Variants in ZNF516 observed in about 807,000 individuals in gnomAD.
The protein encoded by ZNF516 is zinc finger protein 516.
A neutral mutation model predicts 79.7 loss-of-function variants in ZNF516; 19 were observed. The ratio of observed to expected loss-of-function variants is 0.24; its 90% CI spans 0.17 to 0.35. The LOEUF (loss-of-function observed/expected upper bound fraction) is 0.35, where lower values mean the gene tolerates loss of function less well. Ranked by LOEUF, ZNF516 falls within the 10% of genes least tolerant of loss-of-function variation. The probability of loss-of-function intolerance (pLI) is 1.00; values close to 1 mark genes in which losing one functional copy is unlikely to be tolerated. For synonymous variants in ZNF516, 877 were observed against 739.5 expected (o/e 1.19, Z -3.02); for missense variants, 1,678 against 1,679.5 (o/e 1.00, Z 0.02).
At chr18:76,362,580 C>G in intron 6 of ZNF516, 23 bp from the exon 7 acceptor site, 1 of 1,600,484 alleles carries the variant, frequency 6.2e-7, no homozygotes, top group Non-Finnish European at 8.6e-7. Flanking sequence ...AAGGAAAGAA[C>G]AGGAGAAAAG....
rs1397416941 is a variant in ZNF516 at position 76,394,817 on chromosome 18, AAGGCGGGTGGTCAGGTGGGGGG to A, written c.1811-14536_1811-14515del. On this transcript the variant is annotated intron_variant, in intron 3 of 6. Transcript: ENST00000443185. ...GCAGGGCGGGTGGTCAGGTGGGGGGAAGGCGGGTGGTCAGGTGGGGGGAGGGCAGGTGGGAAGGCAGGTCAGA... is the reference window on the plus strand; with the variant it reads ...GCAGGGCGGGTGGTCAGGTGGGGGGAAGGGCAGGTGGGAAGGCAGGTCAGA... Among the ~76,000 whole-genome samples, 134 of 55,474 alleles carry A rather than the reference AAGGCGGGTGGTCAGGTGGGGGG, an allele frequency of 2.4e-3. 43 individuals carry two copies. Among genetic ancestry groups the A allele is most frequent in the African/African-American group, 8.4e-3 (115 of 13,738 alleles). 36.4% of individuals were successfully genotyped at this position (55,474 alleles called of 152,430 possible).
In ZNF516 at chr18:76,492,251, G is replaced by C. The variant is rs573530965; in HGVS notation, c.-272+2893C>G. ...TACACGGAGATGCTGCTCGGCTCAG[G>C]TCGGGTCCGTACGCTTCCCGAGGTG... On this transcript the variant is annotated intron_variant, in intron 1 of 6. Coordinates refer to ENST00000443185, the MANE Select transcript of ZNF516 (RefSeq NM_014643.4). 2.4e-5 allele frequency: 24 copies of C among 985,352 alleles called. No individual in the cohort carries two copies. In the African/African-American group the frequency reaches 4.0e-4, roughly 16 times the overall value. 61.0% of individuals were successfully genotyped at this position (985,352 alleles called of 1,614,324 possible).
chr18:76,479,920 C>T (rs1914402516), intron 1 of ZNF516, among the ~76,000 whole-genome samples: 1 of 152,188 alleles, frequency 6.6e-6, no homozygotes, highest in Non-Finnish European at 1.5e-5. Flanking sequence ...TGGGATCCCC[C>T]AGAGACAGTT....
intron 1 of ZNF516, among the ~76,000 whole-genome samples, chr18:76,489,344 C>T (rs1235442590): frequency 6.6e-6 from 1 of 152,138 alleles, no homozygotes; most frequent in Non-Finnish European, 1.5e-5. Context: ...TTGGAGTATA[C>T]CTCATTTCAA....
chr18:76,443,189 G>A lies in ZNF516; in HGVS notation c.-135C>T. ...AGGAGGTGCACCTTCTACATGGGGG[G>A]CGCAGCAGCTGGCAGCCAGCACCTG... On this transcript the variant is annotated 5_prime_UTR_variant, in exon 3 of 7. Transcript: ENST00000443185. 1.5e-6 allele frequency: 2 copies of A among 1,331,696 alleles called. No homozygotes were observed. The highest frequency in any genetic ancestry group is 1.5e-5 in the African/African-American group (1 of 67,164). The allele number at this position is 1,331,696 out of a possible 1,614,324, so 82.5% of individuals were successfully genotyped here.
At chr18:76,460,006 C>T (rs1482885813) in intron 2 of ZNF516, among the ~76,000 whole-genome samples, 1 of 152,202 alleles carries the variant, frequency 6.6e-6, no homozygotes, top group African/African-American at 2.4e-5. Context: ...CAACATACGC[C>T]AAGGAATGCT....
Position 76,467,999 on chromosome 18 carries a change from G to C in ZNF516, c.-271-4858C>G, listed in dbSNP as rs1476235569. Reference sequence around the variant, plus strand: ...CCAGACCTCCCTACGGACAGCACGCGACGGACGGCCTTGCGGGACTCCCTG... The same window carrying C: ...CCAGACCTCCCTACGGACAGCACGCCACGGACGGCCTTGCGGGACTCCCTG... On this transcript the variant is annotated intron_variant, in intron 1 of 6. Transcript: ENST00000443185. This position sits in a 1 kb window ranked among gnomAD's most constrained non-coding sequence, Gnocchi z 4.2. Among the ~76,000 whole-genome samples, 1 of 152,076 alleles carries C rather than the reference G, an allele frequency of 6.6e-6. No homozygotes were observed. Among genetic ancestry groups the C allele is most frequent in the Admixed American group, 6.6e-5 (1 of 15,258 alleles).
At chr18:76,417,617 G>T (rs1161109729) in intron 3 of ZNF516, among the ~76,000 whole-genome samples, 2 of 152,104 alleles carry the variant, frequency 1.3e-5, no homozygotes, top group African/African-American at 2.4e-5. Flanking sequence ...TGAAAGCCAA[G>T]AAGTAATAAA....
chr18:76,418,656 T>C (rs1425634427), intron 3 of ZNF516, among the ~76,000 whole-genome samples: 1 of 152,224 alleles, frequency 6.6e-6, no homozygotes, highest in Admixed American at 6.5e-5. Flanking sequence ...ATTGTGCTTC[T>C]GGGTTACCTC....
chr18:76,371,521 C>T lies in ZNF516; in HGVS notation c.3310G>A (p.Gly1104Arg). ...RPGEFVCIEC[G>R]KSFHQPGHLR... ...TGGCCGGGCTGGTGGAAGCTCTTTCCGCACTCGATGCAGACGAACTCTCCT... is the reference window on the plus strand; with the variant it reads ...TGGCCGGGCTGGTGGAAGCTCTTTCTGCACTCGATGCAGACGAACTCTCCT... Residue 1104 changes from glycine (G) to arginine (R), a missense_variant, in exon 5 of 7, where the codon GGA (glycine) becomes AGA (arginine). Gly to Arg is a moderately radical substitution (Grantham distance 125). This residue lies in a region of ZNF516 where 1,294 missense variants were observed against 1,248.3 expected (regional missense o/e 1.04). Coordinates refer to ENST00000443185, the MANE Select transcript of ZNF516 (RefSeq NM_014643.4). The T allele has an allele frequency of 6.2e-7, 1 of 1,610,808 alleles. No individual in the cohort carries two copies. The highest frequency in any genetic ancestry group is 8.5e-7 in the Non-Finnish European group (1 of 1,179,816).
chr18:76,406,816 G>A (rs565090839), intron 3 of ZNF516, among the ~76,000 whole-genome samples: 1 of 152,284 alleles, frequency 6.6e-6, no homozygotes, highest in South Asian at 2.1e-4. Flanking sequence ...TGACGGCCCA[G>A]GAGTGCAGAG....
At chr18:76,469,024 T>C (rs1412779835) in intron 1 of ZNF516, among the ~76,000 whole-genome samples, 4 of 152,338 alleles carry the variant, frequency 2.6e-5, no homozygotes, top group African/African-American at 9.6e-5. Context: ...TGTCTCCAAC[T>C]TCCCAGCCCG....
Position 76,464,225 on chromosome 18 carries a change from C to T in ZNF516, c.-271-1084G>A, listed in dbSNP as rs569287671. Among the ~76,000 whole-genome samples, 99 of 152,120 alleles carry T rather than the reference C, an allele frequency of 6.5e-4. 1 individual carries two copies. Among genetic ancestry groups the T allele is most frequent in the African/African-American group, 1.8e-3 (75 of 41,508 alleles). On this transcript the variant is annotated intron_variant, in intron 1 of 6. Transcript: ENST00000443185. Reference sequence around the variant, plus strand: ...TAATGTACTAAAGGTACATTAAAAACGTGGCACGTGGTGGCGTGTGCCTGT... The same window carrying T: ...TAATGTACTAAAGGTACATTAAAAATGTGGCACGTGGTGGCGTGTGCCTGT...
At chr18:76,369,366 A>C (rs1235345520) in intron 6 of ZNF516, among the ~76,000 whole-genome samples, 1 of 152,214 alleles carries the variant, frequency 6.6e-6, no homozygotes, top group Non-Finnish European at 1.5e-5. Context: ...TGTCAACAAT[A>C]CATGAAGCAA....
At chr18:76,470,162 G>A (rs182319292) in intron 1 of ZNF516, among the ~76,000 whole-genome samples, 84 of 152,244 alleles carry the variant, frequency 5.5e-4, no homozygotes, top group Non-Finnish European at 2.6e-4. Flanking sequence ...TCTCAGATTT[G>A]GAACCGCCCA....
At chr18:76,487,155 T>G (rs935811856) in intron 1 of ZNF516, among the ~76,000 whole-genome samples, 3 of 152,220 alleles carry the variant, frequency 2.0e-5, no homozygotes, top group Non-Finnish European at 4.4e-5. Flanking sequence ...TAAGGCATGT[T>G]GAGAGCCACA....
chr18:76,379,255 A>G lies in ZNF516; in HGVS notation c.2859T>C (p.Phe953=). The part of the protein sequence containing the change: ...PSANSKPVEK[F]GVPPAGAGFA... Reference sequence around the variant, plus strand: ...AGCCAGCCCCCGCTGGGGGGACCCCAAACTTCTCCACAGGCTTGCTATTGG... The same window carrying G: ...AGCCAGCCCCCGCTGGGGGGACCCCGAACTTCTCCACAGGCTTGCTATTGG... Residue 953 remains phenylalanine (F), a synonymous_variant, in exon 4 of 7, where the codon TTT becomes TTC. Transcript: ENST00000443185. 1 of 1,612,510 alleles carries G rather than the reference A, an allele frequency of 6.2e-7. No individual in the cohort carries two copies. The highest frequency in any genetic ancestry group is 8.5e-7 in the Non-Finnish European group (1 of 1,179,588).
At chr18:76,461,990 A>C (rs1026425422) in intron 2 of ZNF516, among the ~76,000 whole-genome samples, 18 of 152,224 alleles carry the variant, frequency 1.2e-4, no homozygotes, top group African/African-American at 4.3e-4. Flanking sequence ...GATCTTGCCC[A>C]AGCCCGGATA....
rs753423027 is a variant in ZNF516, at chr18:76,459,922, G to A, written c.-158+3106C>T. On this transcript the variant is annotated intron_variant, in intron 2 of 6. Coordinates refer to ENST00000443185, the MANE Select transcript of ZNF516 (RefSeq NM_014643.4). The surrounding 1 kb of genome is among the most constrained non-coding windows in gnomAD (Gnocchi z 5.0). ...TTACGTAGGCAGCCTCCTTGGCATC[G>A]GGCAGGTCTGTCTCACCAGTCCCAA... Among the ~76,000 whole-genome samples the A allele has an allele frequency of 1.3e-5, 2 of 152,168 alleles. No homozygotes were observed. Among genetic ancestry groups the A allele is most frequent in the Admixed American group, 6.5e-5 (1 of 15,282 alleles).
Sources: gnomAD v4.1 joint callset for allele counts (sites outside exome capture counted in the v4.1 genomes callset) on GRCh38, gnomAD v4.1.1 for gene constraint, gnomAD v4.1.1 regional missense constraint, Gnocchi (gnomAD v3.1) non-coding constraint, MANE v1.5 for transcripts, NCBI Gene and HGNC (gene_info 2026-07-23, HGNC 2026-07-21) for gene names.